The following SLC29A4 variants were observed in gnomAD, a reference collection of about 807,000 sequenced individuals.
SLC29A4 encodes the protein solute carrier family 29 member 4.
A neutral mutation model predicts 43.9 loss-of-function variants in SLC29A4; 36 were observed. That is an observed-to-expected ratio of 0.82 (90% CI 0.63 to 1.08). The LOEUF (loss-of-function observed/expected upper bound fraction) is 1.08. Among genes scored for constraint, SLC29A4 ranks in the 50% least tolerant of loss-of-function variants. The probability of loss-of-function intolerance (pLI) is 0.00; values close to 1 mark genes in which losing one functional copy is unlikely to be tolerated. For missense variants in SLC29A4, 869 were observed against 755.3 expected (o/e 1.15, Z -1.77); for synonymous variants, 491 against 338.0 (o/e 1.45, Z -4.97).
intron 5 of SLC29A4, among the ~76,000 whole-genome samples, chr7:5,293,160 CTCT>C (rs1408735632): frequency 7.2e-6 from 1 of 138,850 alleles, no homozygotes; most frequent in African/African-American, 2.8e-5. Context: ...TCTTTTTTTT[CTCT>C]TTTTTTTTTT....
At chr7:5,298,343 A>G (rs1336906961) in intron 7 of SLC29A4, among the ~76,000 whole-genome samples, 1 of 152,126 alleles carries the variant, frequency 6.6e-6, no homozygotes, top group Non-Finnish European at 1.5e-5. Flanking sequence ...GCAGAGGGAA[A>G]AGCGTGTGCG....
chr7:5,299,913 G>A (rs771230970), intron 9 of SLC29A4, among the ~76,000 whole-genome samples: 10 of 152,216 alleles, frequency 6.6e-5, no homozygotes, highest in Admixed American at 1.3e-4. Flanking sequence ...TTAAATGGAC[G>A]TGGTGGAGCG....
intron 4 of SLC29A4, 151 bp from the exon 5 acceptor site, chr7:5,291,542 G>A: frequency 9.4e-7 from 1 of 1,062,446 alleles, no homozygotes; most frequent in South Asian, 1.7e-5. Context: ...AGCCCTCCAG[G>A]TGCCCCTGTT....
chr7:5,301,631 C>G (rs1295076496), intron 10 of SLC29A4, among the ~76,000 whole-genome samples: 1 of 152,210 alleles, frequency 6.6e-6, no homozygotes, highest in Non-Finnish European at 1.5e-5. Context: ...AGCTACTTCA[C>G]CAGTCCAGGC....
intron 1 of SLC29A4, among the ~76,000 whole-genome samples, chr7:5,285,799 C>A (rs1050153321): frequency 5.9e-5 from 9 of 152,094 alleles, no homozygotes; most frequent in Non-Finnish European, 1.0e-4. Flanking sequence ...ATCACTTGAG[C>A]CCAGGAGTTC....
At chr7:5,293,425 CT>C (rs1351009986) in intron 5 of SLC29A4, among the ~76,000 whole-genome samples, 1 of 152,146 alleles carries the variant, frequency 6.6e-6, no homozygotes, top group Non-Finnish European at 1.5e-5. Flanking sequence ...CTGCCTCAGC[CT>C]CCCAAAGTGC....
intron 1 of SLC29A4, 34 bp from the exon 2 acceptor site, chr7:5,287,775 C>G (rs770201850): frequency 1.9e-6 from 3 of 1,598,150 alleles, no homozygotes. Context: ...CAGCCTTCTT[C>G]CCTCACCTGC....
At position 5,306,248 on chromosome 7, in the gene SLC29A4, G is replaced by A. The variant is rs1786487710; in HGVS notation, c.*3309G>A. The A allele has an allele frequency of 1.5e-5, 2 of 131,204 alleles. No homozygotes were observed. The highest frequency in any genetic ancestry group is 3.0e-5 in the African/African-American group (1 of 33,278). 8.1% of individuals were successfully genotyped at this position (131,204 alleles called of 1,614,324 possible). Reference sequence around the variant, plus strand: ...ATCTCTGTCACCCCCAGGCCAGAGTGCAGTGGTGCGATCTCAACTCACTGC... The same window carrying A: ...ATCTCTGTCACCCCCAGGCCAGAGTACAGTGGTGCGATCTCAACTCACTGC... On this transcript the variant is annotated 3_prime_UTR_variant, in exon 11 of 11. Coordinates refer to ENST00000396872, the MANE Select transcript of SLC29A4 (RefSeq NM_153247.4).
chr7:5,287,172 C>A (rs1454431930), intron 1 of SLC29A4, among the ~76,000 whole-genome samples: 1 of 152,186 alleles, frequency 6.6e-6, no homozygotes, highest in Admixed American at 6.5e-5. Flanking sequence ...ACGCCTGTAA[C>A]CCCCGCACTT....
At chr7:5,286,460 T>C (rs751776094) in intron 1 of SLC29A4, among the ~76,000 whole-genome samples, 11 of 150,358 alleles carry the variant, frequency 7.3e-5, no homozygotes, top group Non-Finnish European at 8.9e-5. Context: ...GAGACGGAGG[T>C]TGCAGCGAGC....
chr7:5,300,319 C>T (rs1583680412), intron 9 of SLC29A4, 103 bp from the exon 10 acceptor site: 3 of 1,560,388 alleles, frequency 1.9e-6, no homozygotes, highest in Non-Finnish European at 2.6e-6. Flanking sequence ...CTGGACAGGC[C>T]CAGGAGTGTT....
chr7:5,298,941 T>A, intron 7 of SLC29A4, 47 bp from the exon 8 acceptor site: 1 of 1,583,988 alleles, frequency 6.3e-7, no homozygotes, highest in South Asian at 1.1e-5. Flanking sequence ...CCGTGTCTCC[T>A]GTCCTCCCTT....
At position 5,294,146 on chromosome 7, in the gene SLC29A4, G is replaced by T. The variant is rs531210528; in HGVS notation, c.545-714G>T. Among the ~76,000 whole-genome samples, 5 of 152,090 alleles carry T rather than the reference G, an allele frequency of 3.3e-5. No individual in the cohort carries two copies. In the South Asian group the frequency reaches 1.0e-3, roughly 32 times the overall value. Reference sequence around the variant, plus strand: ...TGTAAAGACAAGATCTCACTTTGTAGTCCAGGATGGTCTTGAACTCCTAGA... The same window carrying T: ...TGTAAAGACAAGATCTCACTTTGTATTCCAGGATGGTCTTGAACTCCTAGA... On this transcript the variant is annotated intron_variant, in intron 5 of 10. Transcript: ENST00000396872.
intron 1 of SLC29A4, among the ~76,000 whole-genome samples, chr7:5,284,214 C>T (rs1463463510): frequency 6.6e-6 from 1 of 152,194 alleles, no homozygotes; most frequent in African/African-American, 2.4e-5. Flanking sequence ...CAAGACCCCA[C>T]CTCTACAAAA....
intron 10 of SLC29A4, 64 bp from the exon 11 acceptor site, chr7:5,302,733 G>A (rs1562458273): frequency 8.7e-6 from 13 of 1,499,930 alleles, no homozygotes; most frequent in South Asian, 2.5e-5. Context: ...CCTCACACCC[G>A]AGCAGCCGTG....
At chr7:5,301,398 T>G (rs984106542) in intron 10 of SLC29A4, among the ~76,000 whole-genome samples, 1 of 151,754 alleles carries the variant, frequency 6.6e-6, no homozygotes, top group African/African-American at 2.4e-5. Flanking sequence ...AATGGAGCAA[T>G]CTGGGAAGAC....
chr7:5,285,478 AT>A (rs1210749157), intron 1 of SLC29A4, among the ~76,000 whole-genome samples: 2 of 152,240 alleles, frequency 1.3e-5, no homozygotes, highest in Non-Finnish European at 2.9e-5. Context: ...AGACCTGGAA[AT>A]GGGAAGGCTC....
In SLC29A4 at chr7:5,298,764, C is replaced by T. The variant is rs778640283; in HGVS notation, c.883-224C>T. 1.2e-4 allele frequency among the ~76,000 whole-genome samples: 18 copies of T among 152,170 alleles called. 1 individual carries two copies. Among genetic ancestry groups the T allele is most frequent in the Non-Finnish European group, 1.9e-4 (13 of 68,028 alleles). On this transcript the variant is annotated intron_variant, in intron 7 of 10. Coordinates refer to ENST00000396872, the MANE Select transcript of SLC29A4 (RefSeq NM_153247.4). ...GCAGTGAGCTGTGACTGCACCACTGCACTCCAGCCTCGGCAACAGAGCAAG... is the reference window on the plus strand; with the variant it reads ...GCAGTGAGCTGTGACTGCACCACTGTACTCCAGCCTCGGCAACAGAGCAAG...
chr7:5,299,690 C>T (rs529629105), intron 9 of SLC29A4, among the ~76,000 whole-genome samples: 27 of 152,350 alleles, frequency 1.8e-4, no homozygotes, highest in African/African-American at 5.5e-4. Flanking sequence ...GATCACAGGT[C>T]CCCTGGGGAT....
Sources: gnomAD v4.1 joint callset for allele counts (sites outside exome capture counted in the v4.1 genomes callset) on GRCh38, gnomAD v4.1.1 for gene constraint, MANE v1.5 for transcripts, NCBI Gene and HGNC (gene_info 2026-07-23, HGNC 2026-07-21) for gene names.